Variants in KCNA1 observed in about 807,000 individuals in gnomAD.
KCNA1 encodes potassium channel, voltage gated shaker related subfamily A, member 1.
Under a neutral mutation model 28.8 loss-of-function variants are expected in KCNA1, and 19 were observed. That is an observed-to-expected ratio of 0.66 (90% CI 0.46 to 0.97). The LOEUF (loss-of-function observed/expected upper bound fraction) is 0.97, where lower values mean the gene tolerates loss of function less well. Ranked by LOEUF, KCNA1 falls within the 50% of genes least tolerant of loss-of-function variation. The probability of loss-of-function intolerance (pLI) is 0.00; values close to 1 mark genes in which losing one functional copy is unlikely to be tolerated. For synonymous variants in KCNA1, 311 were observed against 268.8 expected, an observed-to-expected ratio of 1.16 and a Z score of -1.53; for missense variants, 419 against 659.7, an observed-to-expected ratio of 0.64 and a Z score of 4.00.
At position 4,911,272 on chromosome 12, in the gene KCNA1, G is replaced by C. The variant is rs904539145; in HGVS notation, c.-107G>C. Reference sequence around the variant, plus strand: ...ACCTCCCCCTGGGCGTGAGGGAGACGCGCGCTCCGGTGGGGGGGCCGCTTG... The same window carrying C: ...ACCTCCCCCTGGGCGTGAGGGAGACCCGCGCTCCGGTGGGGGGGCCGCTTG... On this transcript the variant is annotated 5_prime_UTR_variant, in exon 2 of 2. Coordinates refer to ENST00000382545, the MANE Select transcript of KCNA1 (RefSeq NM_000217.3). The surrounding 1 kb of genome is among the most constrained non-coding windows in gnomAD (Gnocchi z 6.6). The C allele has an allele frequency of 1.0e-5, 8 of 803,466 alleles. No homozygotes were observed. Among genetic ancestry groups the C allele is most frequent in the Non-Finnish European group, 8.0e-6 (4 of 502,284 alleles). 49.8% of individuals were successfully genotyped at this position (803,466 alleles called of 1,614,324 possible). A position where few individuals can be genotyped will look rare whatever the true frequency, so the allele number is the denominator to read the frequency against.
In KCNA1 at chr12:4,911,227, C is replaced by G. The variant is rs543514434; in HGVS notation, c.-152C>G. 4 of 626,930 alleles carry G rather than the reference C, an allele frequency of 6.4e-6. No homozygotes were observed. The highest frequency in any genetic ancestry group is 1.1e-5 in the Non-Finnish European group (4 of 358,984). The allele number at this position is 626,930 out of a possible 1,614,324, so 38.8% of individuals were successfully genotyped here. The stretch of plus-strand genomic sequence containing the variant: ...GCGAGAGGCAAAGTCGCAGATCTCC[C>G]GACCTGCTCGTGTTGAAGCACCTCC... On this transcript the variant is annotated 5_prime_UTR_variant, in exon 2 of 2. Transcript: ENST00000382545. This position sits in a 1 kb window ranked among gnomAD's most constrained non-coding sequence, Gnocchi z 6.6.
Position 4,913,270 on chromosome 12 carries a change from T to G in KCNA1, c.*404T>G. 3.6e-6 allele frequency: 1 copy of G among 274,832 alleles called. No homozygotes were observed. 17.0% of individuals were successfully genotyped at this position (274,832 alleles called of 1,614,324 possible). On this transcript the variant is annotated 3_prime_UTR_variant, in exon 2 of 2. Transcript: ENST00000382545. ...ATCACTTAGAAATATGAAATTGAAA[T>G]TCGCATGGGACTCCAGTAAAACATC... is the stretch of plus-strand genomic sequence containing the variant.
In KCNA1 at chr12:4,912,705, C is replaced by G. The variant is rs150849316; in HGVS notation, c.1327C>G (p.Arg443Gly). 229 of 1,612,968 alleles carry G rather than the reference C, an allele frequency of 1.4e-4. 1 individual carries two copies. In the African/African-American group the frequency reaches 2.7e-3, roughly 19 times the overall value. ...PNLASDSDLSRRSSSTMSKSE... is the reference protein window; with the variant it reads ...PNLASDSDLSGRSSSTMSKSE... ...CTTAGCCTCTGACAGTGACCTCAGT[C>G]GCCGCAGTTCCTCTACTATGAGCAA... The change falls in exon 2 of 2, where the codon CGC becomes GGC. Residue 443 changes from arginine to glycine, a missense_variant. Coordinates refer to ENST00000382545, the MANE Select transcript of KCNA1 (RefSeq NM_000217.3).
In KCNA1 at chr12:4,916,476, G is replaced by T. The variant is rs1259902364; in HGVS notation, c.*3610G>T. ...CATTTCCTCTGTCCTCAGATTTCTA[G>T]AAGACAAATTCTAGCCAGGAAAACT... On this transcript the variant is annotated 3_prime_UTR_variant, in exon 2 of 2. Coordinates refer to ENST00000382545, the MANE Select transcript of KCNA1 (RefSeq NM_000217.3). The T allele has an allele frequency of 1.2e-5, 2 of 167,108 alleles. No homozygotes were observed. The highest frequency in any genetic ancestry group is 1.9e-4 in the East Asian group (1 of 5,204). 10.4% of individuals were successfully genotyped at this position (167,108 alleles called of 1,614,324 possible).
Position 4,917,657 on chromosome 12 carries a change from A to G in KCNA1, c.*4791A>G, listed in dbSNP as rs1232445857. 11 of 167,072 alleles carry G rather than the reference A, an allele frequency of 6.6e-5. No individual in the cohort carries two copies. Among genetic ancestry groups the G allele is most frequent in the Admixed American group, 4.6e-4 (7 of 15,286 alleles). The allele number at this position is 167,072 out of a possible 1,614,324, so 10.3% of individuals were successfully genotyped here. A position where few individuals can be genotyped will look rare whatever the true frequency, so the allele number is the denominator to read the frequency against. On this transcript the variant is annotated 3_prime_UTR_variant, in exon 2 of 2. Transcript: ENST00000382545. ...AGTGATTTTCATTTAGGAGCTAACTAGGAGTTTACTCTTTATGACGTGAAA... is the reference window on the plus strand; with the variant it reads ...AGTGATTTTCATTTAGGAGCTAACTGGGAGTTTACTCTTTATGACGTGAAA...
Position 4,912,442 on chromosome 12 carries a change from A to G in KCNA1, c.1064A>G (p.His355Arg). Residue 355 changes from histidine to arginine, a missense_variant, in exon 2 of 2, where the codon CAC becomes CGC. Physicochemically the swap from His to Arg is conservative, Grantham distance 29. This residue lies in a region of KCNA1 where 54 missense variants were observed against 186.4 expected (regional missense o/e 0.29). Transcript: ENST00000382545. ...GCCGAGGCGGAAGAAGCTGAGTCGC[A>G]CTTCTCCAGTATCCCCGATGCTTTC... is the stretch of plus-strand genomic sequence containing the variant. ...YFAEAEEAES[H>R]FSSIPDAFWW... 6.2e-7 allele frequency: 1 copy of G among 1,613,640 alleles called. No individual in the cohort carries two copies. The highest frequency in any genetic ancestry group is 8.5e-7 in the Non-Finnish European group (1 of 1,179,910).
In KCNA1 at chr12:4,910,268, G is replaced by A. The variant is rs183843080; in HGVS notation, c.-744G>A. 2.0e-5 allele frequency: 3 copies of A among 152,306 alleles called. No homozygotes were observed. Among genetic ancestry groups the A allele is most frequent in the Admixed American group, 1.3e-4 (2 of 15,296 alleles). 9.4% of individuals were successfully genotyped at this position (152,306 alleles called of 1,614,324 possible). On this transcript the variant is annotated 5_prime_UTR_variant, in exon 1 of 2. Coordinates refer to ENST00000382545, the MANE Select transcript of KCNA1 (RefSeq NM_000217.3). The surrounding 1 kb of genome is among the most constrained non-coding windows in gnomAD (Gnocchi z 4.9). Reference sequence around the variant, plus strand: ...ATGGGGGTAGGGAAGGAACATTTTCGCCGTAGCTGCTCCGTAAAGCGATTG... The same window carrying A: ...ATGGGGGTAGGGAAGGAACATTTTCACCGTAGCTGCTCCGTAAAGCGATTG...
In KCNA1 at chr12:4,911,981, C is replaced by A; in HGVS notation, c.603C>A (p.Thr201=). ...AGGATGACAAGGACTTCACGGGCAC[C>A]GTCCACCGCATCGACAACACCACGG... is the stretch of plus-strand genomic sequence containing the variant. ...ELKDDKDFTG[T]VHRIDNTTVI... is the part of the protein sequence containing the mutation. The change falls in exon 2 of 2, where the codon ACC becomes ACA. Residue 201 remains threonine, a synonymous_variant. Coordinates refer to ENST00000382545, the MANE Select transcript of KCNA1 (RefSeq NM_000217.3). This position sits in a 1 kb window ranked among gnomAD's most constrained non-coding sequence, Gnocchi z 6.6. 1 of 1,614,136 alleles carries A rather than the reference C, an allele frequency of 6.2e-7. No homozygotes were observed. The highest frequency in any genetic ancestry group is 8.5e-7 in the Non-Finnish European group (1 of 1,180,028).
rs374196069 is a variant in KCNA1, at chr12:4,910,137, C to T, written c.-875C>T. The T allele has an allele frequency of 3.3e-5, 5 of 152,784 alleles. No individual in the cohort carries two copies. Among genetic ancestry groups the T allele is most frequent in the African/African-American group, 1.2e-4 (5 of 41,564 alleles). The allele number at this position is 152,784 out of a possible 1,614,324, so 9.5% of individuals were successfully genotyped here. A position where few individuals can be genotyped will look rare whatever the true frequency, so the allele number is the denominator to read the frequency against. On this transcript the variant is annotated 5_prime_UTR_variant, in exon 1 of 2. Coordinates refer to ENST00000382545, the MANE Select transcript of KCNA1 (RefSeq NM_000217.3). This position sits in a 1 kb window ranked among gnomAD's most constrained non-coding sequence, Gnocchi z 4.9. ...GAGTGCTGTTTATCGTCATTTGCCT[C>T]GGAGCTTCGAGAGAGGGTGGTATTT...
chr12:4,915,220 C>T lies in KCNA1; in HGVS notation c.*2354C>T, dbSNP rs867362814. ...CCACGGAACACAGGCCTCTGGAGCT[C>T]GGCAGCTGCCCACCGGTGGAGAGGT... On this transcript the variant is annotated 3_prime_UTR_variant, in exon 2 of 2. Coordinates refer to ENST00000382545, the MANE Select transcript of KCNA1 (RefSeq NM_000217.3). 107 of 167,108 alleles carry T rather than the reference C, an allele frequency of 6.4e-4. No homozygotes were observed. Among genetic ancestry groups the T allele is most frequent in the African/African-American group, 2.2e-3 (90 of 41,532 alleles). 10.4% of individuals were successfully genotyped at this position (167,108 alleles called of 1,614,324 possible). A position where few individuals can be genotyped will look rare whatever the true frequency, so the allele number is the denominator to read the frequency against.
chr12:4,916,351 C>T lies in KCNA1; in HGVS notation c.*3485C>T, dbSNP rs977337832. On this transcript the variant is annotated 3_prime_UTR_variant, in exon 2 of 2. Transcript: ENST00000382545. ...TTGGGGCCCTAGTTCAATAGGGTGG[C>T]AATAGAAGAGTTGGTCACACCAGGG... is the stretch of plus-strand genomic sequence containing the variant. 3 of 167,028 alleles carry T rather than the reference C, an allele frequency of 1.8e-5. No individual in the cohort carries two copies. Among genetic ancestry groups the T allele is most frequent in the Non-Finnish European group, 4.4e-5 (3 of 68,134 alleles). The allele number at this position is 167,028 out of a possible 1,614,324, so 10.3% of individuals were successfully genotyped here. A position where few individuals can be genotyped will look rare whatever the true frequency, so the allele number is the denominator to read the frequency against.
rs192456145 is a variant in KCNA1 at position 4,910,086 on chromosome 12, G to T, written c.-926G>T. The T allele has an allele frequency of 1.3e-5, 2 of 152,794 alleles. No individual in the cohort carries two copies. Among genetic ancestry groups the T allele is most frequent in the Admixed American group, 1.3e-4 (2 of 15,306 alleles). The allele number at this position is 152,794 out of a possible 1,614,324, so 9.5% of individuals were successfully genotyped here. ...CGCCTCCTTCGGGATCGAATCAAGG[G>T]CTCCCATAGTGTTAGGAGGGGGCGA... On this transcript the variant is annotated 5_prime_UTR_variant, in exon 1 of 2. Transcript: ENST00000382545. The surrounding 1 kb of genome is among the most constrained non-coding windows in gnomAD (Gnocchi z 4.9).
chr12:4,913,265 T>C lies in KCNA1; in HGVS notation c.*399T>C, dbSNP rs1947363838. ...AGATGATCACTTAGAAATATGAAAT[T>C]GAAATTCGCATGGGACTCCAGTAAA... is the stretch of plus-strand genomic sequence containing the variant. On this transcript the variant is annotated 3_prime_UTR_variant, in exon 2 of 2. Coordinates refer to ENST00000382545, the MANE Select transcript of KCNA1 (RefSeq NM_000217.3). 1 of 276,470 alleles carries C rather than the reference T, an allele frequency of 3.6e-6. No individual in the cohort carries two copies. The highest frequency in any genetic ancestry group is 7.4e-6 in the Non-Finnish European group (1 of 135,412). The allele number at this position is 276,470 out of a possible 1,614,324, so 17.1% of individuals were successfully genotyped here.
chr12:4,911,724 G>C lies in KCNA1; in HGVS notation c.346G>C (p.Glu116Gln), dbSNP rs764866873. ...VNVPLDMFSE[E>Q]IKFYELGEEA... ...CGTGCCCCTGGACATGTTCTCCGAG[G>C]AGATCAAGTTTTACGAGTTGGGCGA... Residue 116 changes from glutamate (E) to glutamine (Q), a missense_variant, in exon 2 of 2, where the codon GAG becomes CAG. Transcript: ENST00000382545. The surrounding 1 kb of genome is among the most constrained non-coding windows in gnomAD (Gnocchi z 6.6). 1 of 1,614,204 alleles carries C rather than the reference G, an allele frequency of 6.2e-7. No homozygotes were observed. The highest frequency in any genetic ancestry group is 1.1e-5 in the South Asian group (1 of 91,076).
In KCNA1 at chr12:4,911,794, A is replaced by G; in HGVS notation, c.416A>G (p.Glu139Gly). 3.1e-6 allele frequency: 5 copies of G among 1,613,898 alleles called. No individual in the cohort carries two copies. Among genetic ancestry groups the G allele is most frequent in the Non-Finnish European group, 4.2e-6 (5 of 1,179,918 alleles). Residue 139 changes from glutamate (E) to glycine (G), a missense_variant, in exon 2 of 2, where the codon GAG (glutamate) becomes GGG (glycine). By Grantham distance (98) the Glu-to-Gly change is moderately conservative. Transcript: ENST00000382545. The surrounding 1 kb of genome is among the most constrained non-coding windows in gnomAD (Gnocchi z 6.6). ...CGGGAGGACGAGGGCTTCATCAAGG[A>G]GGAGGAGCGCCCTCTGCCCGAGAAG... ...KFREDEGFIK[E>G]EERPLPEKEY... is the part of the protein sequence containing the mutation.
At position 4,912,383 on chromosome 12, in the gene KCNA1, C is replaced by T. The variant is rs760445014; in HGVS notation, c.1005C>T (p.Ile335=). ...GGCTGCTCATCTTTTTCCTCTTCAT[C>T]GGGGTCATCCTGTTTTCTAGTGCAG... ...ELGLLIFFLF[I]GVILFSSAVY... is the part of the protein sequence containing the mutation. Residue 335 remains isoleucine (I), a synonymous_variant, in exon 2 of 2, where the codon ATC becomes ATT. Coordinates refer to ENST00000382545, the MANE Select transcript of KCNA1 (RefSeq NM_000217.3). 7 of 1,613,968 alleles carry T rather than the reference C, an allele frequency of 4.3e-6. No homozygotes were observed. In the East Asian group the frequency reaches 6.7e-5, roughly 15 times the overall value.
At position 4,915,981 on chromosome 12, in the gene KCNA1, G is replaced by A. The variant is rs1947383603; in HGVS notation, c.*3115G>A. ...GAGTTTGGGGTGGTGTGAGGAAAGTGAATGCTGCTTAGCTCATCTGTAGCT... is the reference window on the plus strand; with the variant it reads ...GAGTTTGGGGTGGTGTGAGGAAAGTAAATGCTGCTTAGCTCATCTGTAGCT... On this transcript the variant is annotated 3_prime_UTR_variant, in exon 2 of 2. Coordinates refer to ENST00000382545, the MANE Select transcript of KCNA1 (RefSeq NM_000217.3). 1 of 167,130 alleles carries A rather than the reference G, an allele frequency of 6.0e-6. No individual in the cohort carries two copies. Among genetic ancestry groups the A allele is most frequent in the Non-Finnish European group, 1.5e-5 (1 of 68,132 alleles). The allele number at this position is 167,130 out of a possible 1,614,324, so 10.4% of individuals were successfully genotyped here. A position where few individuals can be genotyped will look rare whatever the true frequency, so the allele number is the denominator to read the frequency against.
chr12:4,912,927 A>G lies in KCNA1; in HGVS notation c.*61A>G. 1.7e-6 allele frequency: 2 copies of G among 1,179,732 alleles called. No individual in the cohort carries two copies. Among genetic ancestry groups the G allele is most frequent in the Non-Finnish European group, 1.3e-6 (1 of 784,800 alleles). 73.1% of individuals were successfully genotyped at this position (1,179,732 alleles called of 1,614,324 possible). A position where few individuals can be genotyped will look rare whatever the true frequency, so the allele number is the denominator to read the frequency against. On this transcript the variant is annotated 3_prime_UTR_variant, in exon 2 of 2. Transcript: ENST00000382545. ...GCAGCTCAAAAGACTTAAAAAACAA[A>G]ACAGAAAACCTAGTGACTCATGTCA...
chr12:4,915,443 C>T lies in KCNA1; in HGVS notation c.*2577C>T, dbSNP rs1374651113. 1 of 167,058 alleles carries T rather than the reference C, an allele frequency of 6.0e-6. No individual in the cohort carries two copies. The highest frequency in any genetic ancestry group is 2.4e-5 in the African/African-American group (1 of 41,444). The allele number at this position is 167,058 out of a possible 1,614,324, so 10.3% of individuals were successfully genotyped here. A position where few individuals can be genotyped will look rare whatever the true frequency, so the allele number is the denominator to read the frequency against. ...CTCGAGTTACACCCATTCTGGCTAA[C>T]TCGATTAAAAGAAAGAACATGGATA... On this transcript the variant is annotated 3_prime_UTR_variant, in exon 2 of 2. Coordinates refer to ENST00000382545, the MANE Select transcript of KCNA1 (RefSeq NM_000217.3).
Sources: gnomAD v4.1 joint callset for allele counts on GRCh38, gnomAD v4.1.1 for gene constraint, gnomAD v4.1.1 regional missense constraint, Gnocchi (gnomAD v3.1) non-coding constraint, MANE v1.5 for transcripts, NCBI Gene and HGNC (gene_info 2026-07-23, HGNC 2026-07-21) for gene names.